ITIH2: variants seen among roughly 807,000 people sequenced by gnomAD.
The protein encoded by ITIH2 is inter-alpha-trypsin inhibitor heavy chain H2.
In ITIH2, 103 loss-of-function variants were observed where a neutral mutation model predicts 104.4. That is an observed-to-expected ratio of 0.99 (90% confidence interval 0.84 to 1.16). The LOEUF is 1.16. ITIH2 is among the 50% of genes most tolerant of loss of function. ITIH2 has a pLI of 0.00. For synonymous variants in ITIH2, 436 were observed against 435.4 expected, an observed-to-expected ratio of 1.00 and a Z score of -0.02; for missense variants, 1,108 against 1,162.4, an observed-to-expected ratio of 0.95 and a Z score of 0.68.
intron 16 of ITIH2, among the ~76,000 whole-genome samples, chr10:7,740,539 T>G (rs1588461187): frequency 1.3e-5 from 2 of 152,336 alleles, no homozygotes; most frequent in Middle Eastern, 6.8e-3. Flanking sequence ...CTGCTTAAAC[T>G]GTGGCTTTGC....
chr10:7,734,958 T>G lies in ITIH2; in HGVS notation c.1824T>G (p.Ile608Met). 6.2e-7 allele frequency: 1 copy of G among 1,613,592 alleles called. No homozygotes were observed. The highest frequency in any genetic ancestry group is 1.1e-5 in the South Asian group (1 of 91,080). Residue 608 changes from isoleucine to methionine, a missense_variant, in exon 15 of 21, where the codon ATT becomes ATG. Coordinates refer to ENST00000358415, the MANE Select transcript of ITIH2 (RefSeq NM_002216.3). ...CTACAGCTGCCGCCAAGAGAAGAAT[T>G]ACAAGATCGATCCTGCAGATGTCTC... ...LAPTAAAKRR[I>M]TRSILQMSLD...
chr10:7,722,071 C>T (rs888893527), intron 8 of ITIH2, among the ~76,000 whole-genome samples: 2 of 152,086 alleles, frequency 1.3e-5, no homozygotes, highest in African/African-American at 2.4e-5. Context: ...TCCCAAGGCC[C>T]TTTGCAATTA....
chr10:7,716,830 A>G (rs193258312), intron 5 of ITIH2, among the ~76,000 whole-genome samples: 1 of 151,986 alleles, frequency 6.6e-6, no homozygotes, highest in Admixed American at 6.5e-5. Flanking sequence ...GAACTCCTAT[A>G]GTGAGCCTCA....
intron 5 of ITIH2, among the ~76,000 whole-genome samples, chr10:7,716,981 CT>C (rs1243527833): frequency 1.4e-5 from 2 of 142,348 alleles, no homozygotes; most frequent in African/African-American, 2.6e-5. Flanking sequence ...GAGTTTCATT[CT>C]TGTTACCCAG....
Position 7,703,379 on chromosome 10 carries a change from G to A in ITIH2, c.-56G>A. On this transcript the variant is annotated 5_prime_UTR_variant, in exon 1 of 21. It adds an upstream start codon to the 5' untranslated region. Coordinates refer to ENST00000358415, the MANE Select transcript of ITIH2 (RefSeq NM_002216.3). ...TTTGAACTTGGTTCAGTAGGAAGAAGTGATATCCTCCCCAGACCATCTGCT... is the reference window on the plus strand; with the variant it reads ...TTTGAACTTGGTTCAGTAGGAAGAAATGATATCCTCCCCAGACCATCTGCT... 1 of 1,185,772 alleles carries A rather than the reference G, an allele frequency of 8.4e-7. No homozygotes were observed. The highest frequency in any genetic ancestry group is 1.2e-5 in the South Asian group (1 of 82,082). 73.5% of individuals were successfully genotyped at this position (1,185,772 alleles called of 1,614,324 possible).
intron 8 of ITIH2, among the ~76,000 whole-genome samples, chr10:7,722,267 C>G (rs530887862): frequency 9.9e-5 from 15 of 152,174 alleles, no homozygotes; most frequent in Non-Finnish European, 1.8e-4. Context: ...GGTGAGGACT[C>G]TTAGAACGTA....
intron 20 of ITIH2, among the ~76,000 whole-genome samples, chr10:7,748,511 C>G (rs1460714069): frequency 1.1e-5 from 1 of 93,202 alleles, no homozygotes; most frequent in South Asian, 3.5e-4. Flanking sequence ...AGAGGTGCCG[C>G]CAATGCATTC....
At chr10:7,712,214 C>T (rs1309447315) in intron 4 of ITIH2, among the ~76,000 whole-genome samples, 3 of 152,096 alleles carry the variant, frequency 2.0e-5, no homozygotes, top group Admixed American at 6.6e-5. Context: ...CCGGGAAGTC[C>T]GAGATCAAGA....
intron 16 of ITIH2, among the ~76,000 whole-genome samples, chr10:7,741,666 A>G (rs1485724308): frequency 6.6e-6 from 1 of 152,114 alleles, no homozygotes; most frequent in Non-Finnish European, 1.5e-5. Flanking sequence ...GCCACCAACA[A>G]CTTTCCTAAA....
Position 7,726,970 on chromosome 10 carries a change from C to G in ITIH2, c.1005C>G (p.Thr335=), listed in dbSNP as rs200104158. 6.2e-7 allele frequency: 1 copy of G among 1,612,046 alleles called. No homozygotes were observed. The change falls in exon 10 of 21, where the codon ACC becomes ACG. Residue 335 remains threonine (T), a synonymous_variant. Coordinates refer to ENST00000358415, the MANE Select transcript of ITIH2 (RefSeq NM_002216.3). The part of the protein sequence containing the change: ...KMKQTVEAMK[T]ILDDLRAEDH... ...AATAGACTGTGGAAGCAATGAAGAC[C>G]ATATTGGATGACCTCAGAGCAGAAG...
chr10:7,732,555 A>G, intron 14 of ITIH2, 78 bp downstream of exon 14: 2 of 1,507,006 alleles, frequency 1.3e-6, no homozygotes, highest in Non-Finnish European at 1.8e-6. Context: ...GTCATACACA[A>G]AAAGAGTTTG....
chr10:7,713,019 C>T (rs375021724), intron 4 of ITIH2, among the ~76,000 whole-genome samples, 162 bp from the exon 5 acceptor site: 12 of 152,076 alleles, frequency 7.9e-5, no homozygotes, highest in African/African-American at 2.9e-4. Flanking sequence ...ACTCAGGGGG[C>T]TGAAGCAGGA....
Position 7,727,108 on chromosome 10 carries a change from G to C in ITIH2, c.1143G>C (p.Gln381His), listed in dbSNP as rs753459183. ...ADAKRYIEKI[Q>H]PSGGTNINEA... The stretch of plus-strand genomic sequence containing the variant: ...CCAAGAGGTATATTGAGAAAATCCA[G>C]CCCAGTGGAGGTGAGTGTGTTGGGC... The change falls in exon 10 of 21, where the codon CAG (glutamine) becomes CAC (histidine). Residue 381 changes from glutamine (Q) to histidine (H), a missense_variant. By Grantham distance (24) the Gln-to-His change is conservative. Transcript: ENST00000358415. 14 of 1,613,518 alleles carry C rather than the reference G, an allele frequency of 8.7e-6. No homozygotes were observed. In the South Asian group the frequency reaches 1.5e-4, roughly 18 times the overall value.
chr10:7,738,977 A>T (rs1256652316), intron 16 of ITIH2, among the ~76,000 whole-genome samples: 1 of 152,214 alleles, frequency 6.6e-6, no homozygotes, highest in Non-Finnish European at 1.5e-5. Flanking sequence ...AGTCTTTAAA[A>T]AAACCTTTCT....
At chr10:7,748,657 T>C (rs906893804) in intron 20 of ITIH2, among the ~76,000 whole-genome samples, 2 of 146,328 alleles carry the variant, frequency 1.4e-5, no homozygotes, top group Non-Finnish European at 3.0e-5. Context: ...TTCTCTTGCC[T>C]CAGCCTCCCA....
intron 10 of ITIH2, 126 bp downstream of exon 10, chr10:7,727,244 C>T: frequency 2.7e-6 from 2 of 733,282 alleles, no homozygotes; most frequent in South Asian, 4.1e-5. Context: ...TTAAATAATA[C>T]ATTTATTGGT....
Position 7,732,453 on chromosome 10 carries a change from C to A in ITIH2, c.1763C>A (p.Thr588Asn). The stretch of plus-strand genomic sequence containing the variant: ...ACCAGGAAACTGTGGGCCTATCTAA[C>A]CATCAACCAACTGCTAGCTGAACGG... ...DFTRKLWAYL[T>N]INQLLAERSL... Residue 588 changes from threonine to asparagine, a missense_variant, in exon 14 of 21, where the codon ACC (threonine) becomes AAC (asparagine). Transcript: ENST00000358415. 1 of 1,613,970 alleles carries A rather than the reference C, an allele frequency of 6.2e-7. No individual in the cohort carries two copies. Among genetic ancestry groups the A allele is most frequent in the Non-Finnish European group, 8.5e-7 (1 of 1,179,888 alleles).
In ITIH2 at chr10:7,726,963, T is replaced by C. The variant is rs1834956510; in HGVS notation, c.998T>C (p.Met333Thr). The C allele has an allele frequency of 3.7e-6, 6 of 1,611,124 alleles. No homozygotes were observed. The highest frequency in any genetic ancestry group is 5.1e-6 in the Non-Finnish European group (6 of 1,178,442). ...GVKMKQTVEA[M>T]KTILDDLRAE... Reference sequence around the variant, plus strand: ...CTATTGAAATAGACTGTGGAAGCAATGAAGACCATATTGGATGACCTCAGA... The same window carrying C: ...CTATTGAAATAGACTGTGGAAGCAACGAAGACCATATTGGATGACCTCAGA... The change falls in exon 10 of 21, where the codon ATG becomes ACG. Residue 333 changes from methionine to threonine, a missense_variant. By Grantham distance (81) the Met-to-Thr change is moderately conservative. Transcript: ENST00000358415.
intron 10 of ITIH2, 72 bp from the exon 11 acceptor site, chr10:7,727,631 C>T (rs189974358): frequency 6.4e-7 from 1 of 1,554,106 alleles, no homozygotes; most frequent in East Asian, 2.3e-5. Flanking sequence ...ACATATGAGT[C>T]TGAATCCAGA....
Sources: gnomAD v4.1 joint callset for allele counts (sites outside exome capture counted in the v4.1 genomes callset) on GRCh38, gnomAD v4.1.1 for gene constraint, MANE v1.5 for transcripts, NCBI Gene and HGNC (gene_info 2026-07-23, HGNC 2026-07-21) for gene names.